The following NOL4 variants were observed in gnomAD, a reference collection of about 807,000 sequenced individuals.
NOL4 encodes the protein cancer/testis antigen 125.
NOL4 carries 17 observed loss-of-function variants against 75.9 expected under a neutral mutation model. That is an observed-to-expected ratio of 0.22 (90% CI 0.15 to 0.34). The LOEUF (loss-of-function observed/expected upper bound fraction) is 0.34. Ranked by LOEUF, NOL4 falls within the 10% of genes least tolerant of loss-of-function variation. NOL4 has a pLI of 1.00. For missense variants in NOL4, 614 were observed against 793.5 expected (o/e 0.77, Z 2.72); for synonymous variants, 292 against 289.9 (o/e 1.01, Z -0.07).
intron 1 of NOL4, among the ~76,000 whole-genome samples, chr18:34,169,370 A>G (rs2032779434): frequency 6.6e-6 from 1 of 151,966 alleles, no homozygotes; most frequent in Non-Finnish European, 1.5e-5. Context: ...GTAAATAAGT[A>G]TACTGTAAAC....
At chr18:34,156,512 T>TA (rs1446868510) in intron 1 of NOL4, 1 of 152,116 alleles carries the variant, frequency 6.6e-6, no homozygotes, top group Admixed American at 6.6e-5. Context: ...ATAAGAACCA[T>TA]AAAAATAGGA....
At chr18:33,943,805 T>C (rs2068658375) in intron 8 of NOL4, among the ~76,000 whole-genome samples, 1 of 151,964 alleles carries the variant, frequency 6.6e-6, no homozygotes, top group African/African-American at 2.4e-5. Context: ...TTTGTTTTAC[T>C]TATAAAATAT....
intron 5 of NOL4, among the ~76,000 whole-genome samples, chr18:34,092,248 T>G (rs2078558812): frequency 6.6e-6 from 1 of 152,100 alleles, no homozygotes; most frequent in East Asian, 1.9e-4. Context: ...AAGAGAAAAT[T>G]TATATCTAAA....
chr18:33,890,653 T>G (rs145858433), intron 9 of NOL4, among the ~76,000 whole-genome samples: 1 of 152,130 alleles, frequency 6.6e-6, no homozygotes, highest in East Asian at 1.9e-4. Flanking sequence ...CTATTTGATA[T>G]GTAGGCAAAC....
At chr18:34,054,980 T>G (rs964388790) in intron 5 of NOL4, among the ~76,000 whole-genome samples, 22 of 149,268 alleles carry the variant, frequency 1.5e-4, no homozygotes, top group Middle Eastern at 3.6e-3. Context: ...ATATATATTT[T>G]ATATATAACA....
chr18:33,954,148 C>A (rs2069465555), intron 8 of NOL4, among the ~76,000 whole-genome samples: 1 of 152,132 alleles, frequency 6.6e-6, no homozygotes, highest in Non-Finnish European at 1.5e-5. Flanking sequence ...GTCTCATATA[C>A]TTTAAATCAT....
intron 6 of NOL4, among the ~76,000 whole-genome samples, chr18:34,015,813 C>T (rs1342082652): frequency 6.6e-5 from 10 of 152,120 alleles, no homozygotes; most frequent in Admixed American, 2.0e-4. Context: ...AAATGTTTCT[C>T]ATTCTGAATC....
chr18:33,972,205 T>G (rs1455399560), intron 6 of NOL4, among the ~76,000 whole-genome samples: 2 of 151,376 alleles, frequency 1.3e-5, no homozygotes, highest in Non-Finnish European at 2.9e-5. Flanking sequence ...GTCCAAAGAT[T>G]AAATCATTTA....
chr18:34,064,466 G>A (rs748752942), intron 5 of NOL4, among the ~76,000 whole-genome samples: 25 of 151,966 alleles, frequency 1.6e-4, no homozygotes, highest in Non-Finnish European at 3.1e-4. Context: ...TCAGAAGTTC[G>A]TCTGAAATAG....
intron 5 of NOL4, among the ~76,000 whole-genome samples, chr18:34,066,627 G>C (rs1420585303): frequency 1.3e-5 from 2 of 150,330 alleles, no homozygotes; most frequent in Non-Finnish European, 3.0e-5. Context: ...AACTGTCTAT[G>C]AAACAAAATA....
chr18:34,054,548 A>G (rs2076754772), intron 5 of NOL4, among the ~76,000 whole-genome samples: 1 of 151,784 alleles, frequency 6.6e-6, no homozygotes, highest in South Asian at 2.1e-4. Context: ...TATCACTTGC[A>G]TAGAATATGT....
intron 10 of NOL4, among the ~76,000 whole-genome samples, chr18:33,865,768 G>T (rs1411205039): frequency 2.6e-5 from 4 of 152,084 alleles, no homozygotes; most frequent in African/African-American, 9.7e-5. Context: ...TCAAACCAAA[G>T]CCATTTTCAA....
intron 6 of NOL4, among the ~76,000 whole-genome samples, chr18:34,003,434 C>G (rs2073851795): frequency 6.6e-6 from 1 of 152,060 alleles, no homozygotes; most frequent in Non-Finnish European, 1.5e-5. Context: ...GTTTACCCTA[C>G]CACTTTTGCA....
chr18:34,083,887 T>C (rs1261658173), intron 5 of NOL4, among the ~76,000 whole-genome samples: 1 of 152,130 alleles, frequency 6.6e-6, no homozygotes, highest in Non-Finnish European at 1.5e-5. Flanking sequence ...TTTCTTTCTG[T>C]GTGGTTTTCT....
intron 9 of NOL4, among the ~76,000 whole-genome samples, chr18:33,931,538 C>A (rs1017096412): frequency 6.6e-6 from 1 of 151,948 alleles, no homozygotes; most frequent in African/African-American, 2.4e-5. Flanking sequence ...TGAGACCAAC[C>A]TGGGCAACAC....
At chr18:33,966,606 C>A (rs1021012882) in intron 6 of NOL4, among the ~76,000 whole-genome samples, 1 of 152,068 alleles carries the variant, frequency 6.6e-6, no homozygotes, top group Non-Finnish European at 1.5e-5. Flanking sequence ...TTTTAGGATA[C>A]AAAATCAACA....
chr18:33,938,599 A>C (rs956511129), intron 9 of NOL4, among the ~76,000 whole-genome samples: 2 of 152,132 alleles, frequency 1.3e-5, no homozygotes, highest in South Asian at 4.1e-4. Context: ...GCGTCTGTTC[A>C]TATCCTTTGC....
At chr18:34,028,311 C>T (rs2075453649) in intron 5 of NOL4, among the ~76,000 whole-genome samples, 4 of 152,216 alleles carry the variant, frequency 2.6e-5, no homozygotes, top group Admixed American at 2.6e-4. Context: ...CTTTGCAGCA[C>T]CTGATTCAGA....
At chr18:34,051,979 G>A (rs2076642831) in intron 5 of NOL4, among the ~76,000 whole-genome samples, 1 of 151,904 alleles carries the variant, frequency 6.6e-6, no homozygotes, top group Non-Finnish European at 1.5e-5. Context: ...CATGCAACTA[G>A]GAAAAAGAGT....
Sources: gnomAD v4.1 joint callset for allele counts (sites outside exome capture counted in the v4.1 genomes callset) on GRCh38, gnomAD v4.1.1 for gene constraint, MANE v1.5 for transcripts, NCBI Gene and HGNC (gene_info 2026-07-23, HGNC 2026-07-21) for gene names.